Variants in PDE7B observed in about 807,000 individuals in gnomAD.
The protein encoded by PDE7B is 3',5'-cyclic-AMP phosphodiesterase 7B.
In PDE7B, 29 loss-of-function variants were observed where a neutral mutation model predicts 56.2. That is an observed-to-expected ratio of 0.52 (90% CI 0.38 to 0.70). The LOEUF is 0.70. Ranked by LOEUF, PDE7B falls within the 30% of genes least tolerant of loss-of-function variation. PDE7B has a pLI of 0.00. For synonymous variants in PDE7B, 197 were observed against 196.9 expected, an observed-to-expected ratio of 1.00 and a Z score of 0.00; for missense variants, 490 against 565.0, an observed-to-expected ratio of 0.87 and a Z score of 1.35.
rs1230455495 is a variant in PDE7B at position 135,934,737 on chromosome 6, A to ATAT, written c.22-12727_22-12726insTAT. Among the ~76,000 whole-genome samples, 36 of 100,332 alleles carry ATAT rather than the reference A, an allele frequency of 3.6e-4. No individual in the cohort carries two copies. The East Asian group carries it at 4.8e-3, about 13-fold the overall frequency. The allele number at this position is 100,332 out of a possible 152,430, so 65.8% of individuals were successfully genotyped here. ...AGAGTGAAACTCTGTCTCAAAAAAA[A>ATAT]AAATATATATATATATATTTTTTAA... On this transcript the variant is annotated intron_variant, in intron 1 of 12. Transcript: ENST00000308191.
chr6:136,053,383 T>TA lies in PDE7B; in HGVS notation c.83-55348_83-55347insA, dbSNP rs202071479. 3.4e-3 allele frequency among the ~76,000 whole-genome samples: 516 copies of TA among 152,228 alleles called. 8 individuals are homozygous for TA. The East Asian group carries it at 0.035, about 10-fold the overall frequency. Reference sequence around the variant, plus strand: ...TTCATCCATGTCCCTAAAAAGGACATGAACTCATCATTTTTTATGGCTGCA... The same window carrying TA: ...TTCATCCATGTCCCTAAAAAGGACATAGAACTCATCATTTTTTATGGCTGCA... On this transcript the variant is annotated intron_variant, in intron 2 of 12. Coordinates refer to ENST00000308191, the MANE Select transcript of PDE7B (RefSeq NM_018945.4).
At chr6:135,934,793 TTA>T in intron 1 of PDE7B, among the ~76,000 whole-genome samples, 1 of 114,340 alleles carries the variant, frequency 8.7e-6, no homozygotes, top group East Asian at 2.2e-4. Context: ...TATATATATT[TTA>T]AATATATATA....
At chr6:135,855,517 A>G (rs1421341348) in intron 1 of PDE7B, among the ~76,000 whole-genome samples, 2 of 152,236 alleles carry the variant, frequency 1.3e-5, no homozygotes, top group African/African-American at 4.8e-5. Flanking sequence ...TTATTTTTAT[A>G]TGATGATCTA....
At chr6:135,941,128 A>T (rs1774499496) in intron 1 of PDE7B, among the ~76,000 whole-genome samples, 1 of 152,178 alleles carries the variant, frequency 6.6e-6, no homozygotes, top group Middle Eastern at 3.4e-3. Flanking sequence ...AGCTATGCCT[A>T]CTCCAGATTC....
intron 2 of PDE7B, among the ~76,000 whole-genome samples, chr6:135,979,219 G>T (rs1477106681): frequency 6.6e-6 from 1 of 151,690 alleles, no homozygotes; most frequent in Non-Finnish European, 1.5e-5. Context: ...GCATCCCAGG[G>T]ATGAAGCCCA....
intron 1 of PDE7B, among the ~76,000 whole-genome samples, chr6:135,867,727 C>T (rs756961018): frequency 6.6e-5 from 10 of 152,056 alleles, no homozygotes; most frequent in African/African-American, 1.4e-4. Flanking sequence ...ATATTTAAGC[C>T]GAAGGACTAA....
At chr6:136,037,589 G>A (rs956838404) in intron 2 of PDE7B, 1 of 985,352 alleles carries the variant, frequency 1.0e-6, no homozygotes, top group Non-Finnish European at 1.2e-6. Context: ...CTGCAGATTG[G>A]CTCTGCAGAC....
chr6:136,075,809 G>T (rs182886747), intron 2 of PDE7B, among the ~76,000 whole-genome samples: 19 of 152,272 alleles, frequency 1.2e-4, no homozygotes, highest in Admixed American at 8.5e-4. Flanking sequence ...CTCAAGAGGA[G>T]GTACGGCTAG....
chr6:135,931,602 G>T lies in PDE7B; in HGVS notation c.22-15862G>T, dbSNP rs149606743. Among the ~76,000 whole-genome samples the T allele has an allele frequency of 1.4e-4, 21 of 152,016 alleles. No individual in the cohort carries two copies. The East Asian group carries it at 4.1e-3, about 29-fold the overall frequency. On this transcript the variant is annotated intron_variant, in intron 1 of 12. Transcript: ENST00000308191. The stretch of plus-strand genomic sequence containing the variant: ...TAACAATGATAAAAATTTTTTCCCA[G>T]AAATAAAAACAATGGAATATATTAT...
intron 8 of PDE7B, among the ~76,000 whole-genome samples, chr6:136,165,890 T>C (rs1447719474): frequency 6.6e-6 from 1 of 152,192 alleles, no homozygotes; most frequent in Non-Finnish European, 1.5e-5. Flanking sequence ...ACTGAGGTTC[T>C]GTGAGTAAGG....
At chr6:135,964,462 A>G (rs1456964759) in intron 2 of PDE7B, among the ~76,000 whole-genome samples, 1 of 152,150 alleles carries the variant, frequency 6.6e-6, no homozygotes, top group East Asian at 1.9e-4. Context: ...GTGGCTTCCC[A>G]AAAGTATATA....
chr6:135,885,911 G>A (rs974084608), intron 1 of PDE7B, among the ~76,000 whole-genome samples: 3 of 152,156 alleles, frequency 2.0e-5, no homozygotes, highest in African/African-American at 7.2e-5. Flanking sequence ...TAATTCACAG[G>A]CATGCAGGCA....
intron 2 of PDE7B, among the ~76,000 whole-genome samples, chr6:135,998,733 G>A (rs1200062904): frequency 1.3e-5 from 2 of 151,584 alleles, no homozygotes; most frequent in African/African-American, 4.9e-5. Flanking sequence ...TCCAGCCTGG[G>A]TGACAGAGCA....
intron 8 of PDE7B, among the ~76,000 whole-genome samples, chr6:136,156,436 C>T (rs1199019710): frequency 6.6e-6 from 1 of 152,144 alleles, no homozygotes; most frequent in Non-Finnish European, 1.5e-5. Context: ...ATCATCCCAC[C>T]TCAGCCTACC....
At chr6:136,101,185 T>G (rs1203350820) in intron 2 of PDE7B, among the ~76,000 whole-genome samples, 1 of 152,230 alleles carries the variant, frequency 6.6e-6, no homozygotes, top group East Asian at 1.9e-4. Flanking sequence ...ATTTAGGATT[T>G]TTGCATCAAT....
intron 9 of PDE7B, among the ~76,000 whole-genome samples, chr6:136,174,760 C>T (rs762946073): frequency 2.6e-5 from 4 of 152,114 alleles, no homozygotes; most frequent in Non-Finnish European, 4.4e-5. Flanking sequence ...CATGCTGTTT[C>T]CTAGCACCCA....
intron 1 of PDE7B, among the ~76,000 whole-genome samples, chr6:135,867,612 T>G (rs912933521): frequency 6.6e-6 from 1 of 152,164 alleles, no homozygotes; most frequent in African/African-American, 2.4e-5. Context: ...GGCCCCAGTG[T>G]GCACTGTTCC....
In PDE7B at chr6:136,181,328, G is replaced by A; in HGVS notation, c.1045+5G>A. Reference sequence around the variant, plus strand: ...GTGAAGAATTCTACAGGCAAGGTTAGTAGTGATCCAACAGCTGAGATTTCA... The same window carrying A: ...GTGAAGAATTCTACAGGCAAGGTTAATAGTGATCCAACAGCTGAGATTTCA... On this transcript the variant is annotated splice_donor_5th_base_variant and intron_variant, in intron 11 of 12. Coordinates refer to ENST00000308191, the MANE Select transcript of PDE7B (RefSeq NM_018945.4). 6.4e-7 allele frequency: 1 copy of A among 1,557,370 alleles called. No homozygotes were observed. The highest frequency in any genetic ancestry group is 8.9e-7 in the Non-Finnish European group (1 of 1,128,334).
At chr6:136,172,227 G>T (rs1039131966) in intron 8 of PDE7B, among the ~76,000 whole-genome samples, 33 of 152,198 alleles carry the variant, frequency 2.2e-4, no homozygotes, top group Middle Eastern at 3.4e-3. Context: ...ACTTCCACAA[G>T]GGTTGAACTA....
Sources: allele counts gnomAD v4.1 joint callset (sites outside exome capture counted in the v4.1 genomes callset), GRCh38; gene constraint gnomAD v4.1.1; transcripts MANE v1.5; gene names NCBI Gene and HGNC (gene_info 2026-07-23, HGNC 2026-07-21).